BTBD9: variants seen among roughly 807,000 people sequenced by gnomAD.
The protein encoded by BTBD9 is BTB/POZ domain-containing protein 9.
In BTBD9, 49 loss-of-function variants were observed where a neutral mutation model predicts 64.3. The ratio of observed to expected loss-of-function variants is 0.76; its 90% CI spans 0.61 to 0.97. BTBD9 has a LOEUF of 0.97. Among genes scored for constraint, BTBD9 ranks in the 50% least tolerant of loss-of-function variants. BTBD9 has a pLI of 0.00. For synonymous variants in BTBD9, 260 were observed against 274.7 expected (o/e 0.95, Z 0.53); for missense variants, 598 against 762.1 (o/e 0.78, Z 2.53).
At chr6:38,543,480 G>T (rs544731569) in intron 6 of BTBD9, among the ~76,000 whole-genome samples, 168 of 152,302 alleles carry the variant, frequency 1.1e-3, no homozygotes, top group African/African-American at 3.8e-3. Context: ...AATAAACAAT[G>T]CACTACAATA....
chr6:38,309,584 T>G (rs957958702), intron 7 of BTBD9, among the ~76,000 whole-genome samples: 1 of 151,798 alleles, frequency 6.6e-6, no homozygotes, highest in Non-Finnish European at 1.5e-5. Flanking sequence ...AGCTAACTTT[T>G]GTATTTTTAG....
chr6:38,431,539 C>T (rs1183138252), intron 6 of BTBD9, among the ~76,000 whole-genome samples: 1 of 152,142 alleles, frequency 6.6e-6, no homozygotes, highest in Non-Finnish European at 1.5e-5. Context: ...GATTCCCATC[C>T]CTCAAACCTG....
intron 6 of BTBD9, among the ~76,000 whole-genome samples, chr6:38,347,024 T>A (rs1422038277): frequency 6.6e-6 from 1 of 152,214 alleles, no homozygotes; most frequent in Non-Finnish European, 1.5e-5. Context: ...TTCTTAAGGT[T>A]AATATATTCC....
At chr6:38,588,927 T>C (rs1334479559) in intron 4 of BTBD9, among the ~76,000 whole-genome samples, 2 of 152,200 alleles carry the variant, frequency 1.3e-5, no homozygotes, top group African/African-American at 4.8e-5. Context: ...GTAAGACTGA[T>C]AGATTAATAA....
chr6:38,174,105 C>T lies in BTBD9; in HGVS notation c.*880G>A, dbSNP rs1309794509. On this transcript the variant is annotated 3_prime_UTR_variant, in exon 11 of 11. Transcript: ENST00000481247. ...GCAGTCCCCGGCAGGTTTGGCCACG[C>T]CAGAACTCGGTATATGTTTATCTAC... 1 of 152,200 alleles carries T rather than the reference C, an allele frequency of 6.6e-6. No individual in the cohort carries two copies. Among genetic ancestry groups the T allele is most frequent in the Non-Finnish European group, 1.5e-5 (1 of 68,044 alleles). 9.4% of individuals were successfully genotyped at this position (152,200 alleles called of 1,614,324 possible). A position where few individuals can be genotyped will look rare whatever the true frequency, so the allele number is the denominator to read the frequency against.
intron 6 of BTBD9, among the ~76,000 whole-genome samples, chr6:38,502,559 C>A (rs535038159): frequency 1.3e-5 from 2 of 152,134 alleles, no homozygotes; most frequent in African/African-American, 4.8e-5. Flanking sequence ...AGGTCAATAA[C>A]GAGGCAAACA....
At chr6:38,584,237 A>G (rs190490180) in intron 4 of BTBD9, among the ~76,000 whole-genome samples, 13 of 152,338 alleles carry the variant, frequency 8.5e-5, no homozygotes, top group African/African-American at 2.9e-4. Context: ...CCAAGGCAGG[A>G]GAATCACTTG....
chr6:38,577,756 A>C, intron 5 of BTBD9, 37 bp from the exon 6 acceptor site: 1 of 1,568,124 alleles, frequency 6.4e-7, no homozygotes, highest in African/African-American at 1.4e-5. Context: ...AAAAATTACC[A>C]CATTAAAAAA....
intron 6 of BTBD9, among the ~76,000 whole-genome samples, chr6:38,426,138 T>C (rs1768137512): frequency 6.6e-6 from 1 of 151,968 alleles, no homozygotes; most frequent in South Asian, 2.1e-4. Context: ...ATGAAGAATG[T>C]TTGATGTGGT....
chr6:38,289,395 A>C (rs1455843982), intron 7 of BTBD9, among the ~76,000 whole-genome samples: 1 of 152,120 alleles, frequency 6.6e-6, no homozygotes, highest in Non-Finnish European at 1.5e-5. Context: ...TTTTTAATTG[A>C]TTTTATGTCT....
rs139005845 is a variant in BTBD9 at position 38,529,178 on chromosome 6, C to G, written c.1154+48422G>C. Among the ~76,000 whole-genome samples the G allele has an allele frequency of 4.3e-3, 652 of 152,198 alleles. 8 individuals are homozygous for G. The highest frequency in any genetic ancestry group is 0.039 in the South Asian group (188 of 4,814). ...GTCACTGTGGGGCTTGGGAAAGACCCATTGCTAAGCTGGCTTCAGGTCTGA... is the reference window on the plus strand; with the variant it reads ...GTCACTGTGGGGCTTGGGAAAGACCGATTGCTAAGCTGGCTTCAGGTCTGA... On this transcript the variant is annotated intron_variant, in intron 6 of 10. Transcript: ENST00000481247.
intron 6 of BTBD9, among the ~76,000 whole-genome samples, chr6:38,422,771 G>T (rs1257573903): frequency 1.3e-5 from 2 of 152,050 alleles, no homozygotes; most frequent in Non-Finnish European, 2.9e-5. Context: ...GGTATATTTT[G>T]ACGTTCTTTA....
At chr6:38,618,957 A>G (rs1390779921) in intron 1 of BTBD9, among the ~76,000 whole-genome samples, 1 of 152,216 alleles carries the variant, frequency 6.6e-6, no homozygotes. Context: ...ACTGGGACCT[A>G]GACTCAGATC....
chr6:38,287,103 AAAAT>A (rs1331448879), intron 8 of BTBD9, among the ~76,000 whole-genome samples: 9 of 124,298 alleles, frequency 7.2e-5, no homozygotes, highest in African/African-American at 2.5e-4. Flanking sequence ...AAAAAAAAAA[AAAAT>A]ATACACACAC....
chr6:38,413,557 C>T (rs2745380), intron 6 of BTBD9, among the ~76,000 whole-genome samples: 66,168 of 151,950 alleles, frequency 0.44, 14,461 homozygotes, highest in Non-Finnish European at 0.46. Context: ...ATCTAGATTG[C>T]TCTTCTCTAG....
intron 9 of BTBD9, among the ~76,000 whole-genome samples, chr6:38,232,888 G>A (rs1292080857): frequency 6.6e-6 from 1 of 152,154 alleles, no homozygotes. Context: ...AAACCTGGCT[G>A]ATTCCAACAA....
At chr6:38,376,523 C>G (rs561430701) in intron 6 of BTBD9, among the ~76,000 whole-genome samples, 25 of 152,214 alleles carry the variant, frequency 1.6e-4, no homozygotes, top group African/African-American at 5.8e-4. Context: ...TAAAGGCTTG[C>G]ATGCAGATAA....
At chr6:38,593,761 A>G (rs1282778113) in intron 3 of BTBD9, among the ~76,000 whole-genome samples, 2 of 152,212 alleles carry the variant, frequency 1.3e-5, no homozygotes, top group Admixed American at 6.5e-5. Context: ...AGAACCTTAA[A>G]AGAAAACACA....
At position 38,543,387 on chromosome 6, in the gene BTBD9, G is replaced by A. The variant is rs116816687; in HGVS notation, c.1154+34213C>T. Among the ~76,000 whole-genome samples the A allele has an allele frequency of 4.9e-3, 742 of 152,218 alleles. 7 individuals carry two copies. Among genetic ancestry groups the A allele is most frequent in the African/African-American group, 0.016 (685 of 41,522 alleles). ...ACCTATTGTATATATCACCCCTCTA[G>A]AATGTAAATGATGCAGGGACCATGA... is the stretch of plus-strand genomic sequence containing the variant. On this transcript the variant is annotated intron_variant, in intron 6 of 10. Transcript: ENST00000481247.
Sources: gnomAD v4.1 joint callset for allele counts (sites outside exome capture counted in the v4.1 genomes callset) on GRCh38, gnomAD v4.1.1 for gene constraint, MANE v1.5 for transcripts, NCBI Gene and HGNC (gene_info 2026-07-23, HGNC 2026-07-21) for gene names.